Variants in GAB2 observed in about 807,000 individuals in gnomAD.
GAB2 encodes GRB2-associated-binding protein 2.
Under a neutral mutation model 65.5 loss-of-function variants are expected in GAB2, and 26 were observed. The observed-to-expected ratio is 0.40, with a 90% CI of 0.29 to 0.55. The LOEUF (loss-of-function observed/expected upper bound fraction) is 0.55, where lower values mean the gene tolerates loss of function less well. Among genes scored for constraint, GAB2 ranks in the 20% least tolerant of loss-of-function variants. The pLI is 0.53. For synonymous variants in GAB2, 321 were observed against 329.6 expected, an observed-to-expected ratio of 0.97 and a Z score of 0.28; for missense variants, 884 against 875.8, an observed-to-expected ratio of 1.01 and a Z score of -0.12.
chr11:78,314,736 T>C (rs551957593), intron 1 of GAB2, among the ~76,000 whole-genome samples: 9 of 152,344 alleles, frequency 5.9e-5, no homozygotes, highest in African/African-American at 1.4e-4. Context: ...GGTAAGACTA[T>C]ATTGCATATG....
chr11:78,354,135 T>C (rs1856321513), intron 1 of GAB2, among the ~76,000 whole-genome samples: 1 of 152,188 alleles, frequency 6.6e-6, no homozygotes, highest in Non-Finnish European at 1.5e-5. Context: ...CAGGTGCTTA[T>C]TATTGAAAGA....
intron 1 of GAB2, among the ~76,000 whole-genome samples, chr11:78,285,405 G>A (rs1332488937): frequency 1.3e-5 from 2 of 152,234 alleles, no homozygotes; most frequent in South Asian, 2.1e-4. Flanking sequence ...GACAGAGTCA[G>A]CAAGGCTGTC....
chr11:78,313,334 C>G (rs933138197), intron 1 of GAB2, among the ~76,000 whole-genome samples: 1 of 152,098 alleles, frequency 6.6e-6, no homozygotes, highest in Non-Finnish European at 1.5e-5. Context: ...ATGGCCACTC[C>G]TGTTTTACAT....
At chr11:78,339,583 C>T (rs115466911) in intron 1 of GAB2, among the ~76,000 whole-genome samples, 1,873 of 152,324 alleles carry the variant, frequency 0.012, 32 homozygotes, top group African/African-American at 0.043. Flanking sequence ...CTGTTGACAG[C>T]TGTTAAGGTT....
chr11:78,370,205 T>C (rs371849413), intron 1 of GAB2, among the ~76,000 whole-genome samples: 14 of 141,420 alleles, frequency 9.9e-5, no homozygotes, highest in Admixed American at 5.9e-4. Flanking sequence ...TGCAGTGAGC[T>C]GAGATCCCGC....
chr11:78,260,441 T>C (rs151085183), intron 2 of GAB2, among the ~76,000 whole-genome samples: 1 of 152,250 alleles, frequency 6.6e-6, no homozygotes, highest in Non-Finnish European at 1.5e-5. Flanking sequence ...AAATGCCTTG[T>C]CTCCCTAGTT....
intron 2 of GAB2, among the ~76,000 whole-genome samples, chr11:78,269,322 G>A (rs1434415287): frequency 6.6e-6 from 1 of 152,118 alleles, no homozygotes; most frequent in Non-Finnish European, 1.5e-5. Context: ...AACCCAAAAG[G>A]TCAGGGAGGG....
intron 1 of GAB2, among the ~76,000 whole-genome samples, chr11:78,290,373 C>CGG (rs1866628135): frequency 3.3e-5 from 5 of 152,184 alleles, no homozygotes; most frequent in Non-Finnish European, 7.3e-5. Context: ...TGTCAGAAAA[C>CGG]AAACCATTTC....
chr11:78,241,072 G>C (rs1327145423), intron 3 of GAB2, among the ~76,000 whole-genome samples: 1 of 152,166 alleles, frequency 6.6e-6, no homozygotes, highest in African/African-American at 2.4e-5. Flanking sequence ...TCCTCATTTG[G>C]GGAAAATGAG....
chr11:78,332,842 T>G (rs940117229), intron 1 of GAB2, among the ~76,000 whole-genome samples: 1 of 151,988 alleles, frequency 6.6e-6, no homozygotes, highest in Non-Finnish European at 1.5e-5. Flanking sequence ...GCACATGGAG[T>G]TCCCTCATGC....
intron 1 of GAB2, among the ~76,000 whole-genome samples, chr11:78,308,360 C>A (rs528839699): frequency 1.6e-4 from 24 of 152,092 alleles, no homozygotes; most frequent in Non-Finnish European, 3.2e-4. Flanking sequence ...GAGCAAGATC[C>A]CTACTCAAAG....
At chr11:78,247,030 C>T (rs1865318309) in intron 3 of GAB2, among the ~76,000 whole-genome samples, 1 of 152,180 alleles carries the variant, frequency 6.6e-6, no homozygotes, top group Non-Finnish European at 1.5e-5. Flanking sequence ...AATATACTAG[C>T]TCCTTCCAGC....
intron 1 of GAB2, chr11:78,341,899 G>C (rs1469827127): frequency 1.0e-6 from 1 of 985,274 alleles, no homozygotes; most frequent in Non-Finnish European, 1.2e-6. Flanking sequence ...GTTATCATCT[G>C]AATGGCTAAG....
intron 1 of GAB2, among the ~76,000 whole-genome samples, chr11:78,395,224 C>T (rs1856881599): frequency 1.3e-5 from 2 of 152,228 alleles, no homozygotes; most frequent in African/African-American, 4.8e-5. Flanking sequence ...GAGGCCAAGG[C>T]AGGCGGATCA....
At chr11:78,345,235 G>A (rs144020308) in intron 1 of GAB2, among the ~76,000 whole-genome samples, 1,861 of 152,172 alleles carry the variant, frequency 0.012, 32 homozygotes, top group African/African-American at 0.042. Flanking sequence ...GTAGAGTATC[G>A]CACCATTGAC....
chr11:78,229,953 C>G (rs1056565266), intron 3 of GAB2, among the ~76,000 whole-genome samples: 14 of 152,312 alleles, frequency 9.2e-5, no homozygotes, highest in African/African-American at 3.4e-4. Context: ...CATTGCTTAA[C>G]TTAATCACTT....
At chr11:78,307,635 A>AGAGAGAGAGAGAGAG (rs1591022770) in intron 1 of GAB2, among the ~76,000 whole-genome samples, 1 of 150,442 alleles carries the variant, frequency 6.6e-6, no homozygotes, top group South Asian at 2.1e-4. Flanking sequence ...AGAGAGAGAG[A>AGAGAGAGAGAGAGAG]TGTTGAGTCA....
intron 1 of GAB2, among the ~76,000 whole-genome samples, chr11:78,284,540 C>G (rs140638342): frequency 6.6e-6 from 1 of 152,302 alleles, no homozygotes; most frequent in East Asian, 1.9e-4. Flanking sequence ...CAGTGCCAGG[C>G]GTGCTCCTGC....
intron 1 of GAB2, among the ~76,000 whole-genome samples, chr11:78,294,320 G>A (rs1392342556): frequency 6.6e-6 from 1 of 152,102 alleles, no homozygotes; most frequent in Non-Finnish European, 1.5e-5. Context: ...TATCGTTGTT[G>A]GACATTTGGG....
Sources: allele counts gnomAD v4.1 joint callset (sites outside exome capture counted in the v4.1 genomes callset), GRCh38; gene constraint gnomAD v4.1.1; transcripts MANE v1.5; gene names NCBI Gene and HGNC (gene_info 2026-07-23, HGNC 2026-07-21).